CFTR: variants seen among roughly 807,000 people sequenced by gnomAD.
CFTR encodes the protein CF transmembrane conductance regulator, also known as cystic fibrosis transmembrane conductance regulator.
In CFTR, 181 loss-of-function variants were observed where a neutral mutation model predicts 171.6. The observed-to-expected ratio is 1.05, with a 90% CI of 0.93 to 1.19. CFTR has a LOEUF of 1.19. Among genes scored for constraint, CFTR ranks in the 50% most tolerant of loss-of-function variants. The pLI is 0.00. For missense variants in CFTR, 1,968 were observed against 1,734.7 expected (o/e 1.13, Z -2.39); for synonymous variants, 583 against 608.0 (o/e 0.96, Z 0.60).
chr7:117,653,177 C>T (rs1241667053), intron 24 of CFTR, among the ~76,000 whole-genome samples: 1 of 152,208 alleles, frequency 6.6e-6, no homozygotes, highest in Non-Finnish European at 1.5e-5. Context: ...ATTCTACACA[C>T]TTTGTGTGCA....
intron 12 of CFTR, among the ~76,000 whole-genome samples, chr7:117,588,420 T>A (rs1186028902): frequency 6.6e-6 from 1 of 152,158 alleles, no homozygotes; most frequent in Non-Finnish European, 1.5e-5. Context: ...AGATAATGTA[T>A]GTCAAGGAGA....
At chr7:117,505,820 T>C (rs1798403977) in intron 2 of CFTR, among the ~76,000 whole-genome samples, 1 of 151,076 alleles carries the variant, frequency 6.6e-6, no homozygotes, top group Admixed American at 6.6e-5. Context: ...ATTCATTTCC[T>C]TTTTTTGGCA....
intron 3 of CFTR, among the ~76,000 whole-genome samples, chr7:117,529,257 A>G (rs1259425796): frequency 2.9e-5 from 3 of 103,396 alleles, no homozygotes; most frequent in African/African-American, 5.7e-5. Flanking sequence ...TCAGTAAACT[A>G]TCGCAAGAAC....
At chr7:117,552,885 T>G (rs1799295639) in intron 10 of CFTR, among the ~76,000 whole-genome samples, 2 of 152,202 alleles carry the variant, frequency 1.3e-5, no homozygotes, top group Non-Finnish European at 2.9e-5. Flanking sequence ...GCCATTCATA[T>G]GTTGAAATCC....
rs1327206717 is a variant in CFTR at position 117,666,922 on chromosome 7, C to A, written c.4257C>A (p.Asn1419Lys). Residue 1419 changes from asparagine to lysine, a missense_variant, in exon 27 of 27, where the codon AAC becomes AAA. By Grantham distance (94) the Asn-to-Lys change is moderately conservative. Coordinates refer to ENST00000003084, the MANE Select transcript of CFTR (RefSeq NM_000492.4). Reference protein sequence around the residue: ...ECQQFLVIEENKVRQYDSIQK... With the variant: ...ECQQFLVIEEKKVRQYDSIQK... ...CATTTCCCTAGGTCATAGAAGAGAACAAAGTGCGGCAGTACGATTCCATCC... is the reference window on the plus strand; with the variant it reads ...CATTTCCCTAGGTCATAGAAGAGAAAAAAGTGCGGCAGTACGATTCCATCC... 4 of 1,614,002 alleles carry A rather than the reference C, an allele frequency of 2.5e-6. No individual in the cohort carries two copies. Among genetic ancestry groups the A allele is most frequent in the Admixed American group, 3.3e-5 (2 of 59,984 alleles).
chr7:117,654,714 G>A (rs542447447), intron 24 of CFTR, among the ~76,000 whole-genome samples: 58 of 152,300 alleles, frequency 3.8e-4, no homozygotes, highest in African/African-American at 1.3e-3. Flanking sequence ...TCCCAGCCAT[G>A]TGGAACTGTG....
chr7:117,510,712 T>C (rs1798503857), intron 3 of CFTR, among the ~76,000 whole-genome samples: 1 of 152,148 alleles, frequency 6.6e-6, no homozygotes, highest in East Asian at 1.9e-4. Context: ...CACCTAAATG[T>C]CAAAGTTTGT....
chr7:117,574,390 C>T (rs1016797575), intron 11 of CFTR, among the ~76,000 whole-genome samples: 6 of 152,040 alleles, frequency 3.9e-5, no homozygotes, highest in African/African-American at 9.7e-5. Flanking sequence ...CCAGATTCAG[C>T]AGCTTCATAT....
rs771557069 is a variant in CFTR, at chr7:117,530,887, C to T, written c.274-12C>T. 8.4e-6 allele frequency: 13 copies of T among 1,544,562 alleles called. No individual in the cohort carries two copies. The highest frequency in any genetic ancestry group is 6.7e-5 in the Admixed American group (4 of 59,674). On this transcript the variant is annotated splice_polypyrimidine_tract_variant and intron_variant, in intron 3 of 26. Transcript: ENST00000003084. ...AATGAAATTTAATTTCTCTGTTTTT[C>T]CCCTTTTGTAGGAAGTCACCAAAGC...
At chr7:117,483,995 G>A (rs913624405) in intron 1 of CFTR, among the ~76,000 whole-genome samples, 6 of 152,080 alleles carry the variant, frequency 3.9e-5, no homozygotes, top group Non-Finnish European at 5.9e-5. Flanking sequence ...CACTTATTTG[G>A]TTATATAAAT....
At chr7:117,520,003 C>T (rs1338879482) in intron 3 of CFTR, among the ~76,000 whole-genome samples, 2 of 151,800 alleles carry the variant, frequency 1.3e-5, no homozygotes, top group Non-Finnish European at 2.9e-5. Flanking sequence ...AAATTCAGTC[C>T]TAACAATAGA....
chr7:117,525,292 T>G (rs1584782992), intron 3 of CFTR, among the ~76,000 whole-genome samples: 1 of 151,312 alleles, frequency 6.6e-6, no homozygotes, highest in African/African-American at 2.4e-5. Flanking sequence ...GAGGAGAGCT[T>G]TACTTCCAAC....
chr7:117,568,137 C>T lies in CFTR; in HGVS notation c.1584+8482C>T, dbSNP rs78897605. Among the ~76,000 whole-genome samples the T allele has an allele frequency of 2.6e-5, 4 of 152,068 alleles. No individual in the cohort carries two copies. The South Asian group carries it at 8.3e-4, about 32-fold the overall frequency. The stretch of plus-strand genomic sequence containing the variant: ...AGCCTGGACCCAAGAGAGCACTTTG[C>T]CCTTTGGGGAAGCTGTAGGTATTAC... On this transcript the variant is annotated intron_variant, in intron 11 of 26. Transcript: ENST00000003084.
intron 9 of CFTR, 115 bp from the exon 10 acceptor site, chr7:117,548,526 G>A (rs773227065): frequency 6.1e-5 from 94 of 1,531,488 alleles, no homozygotes; most frequent in Non-Finnish European, 8.1e-5. Flanking sequence ...AATGGATCAT[G>A]GGCCATGTGC....
chr7:117,618,049 A>T (rs1178409104), intron 21 of CFTR, among the ~76,000 whole-genome samples: 1 of 152,028 alleles, frequency 6.6e-6, no homozygotes, highest in Admixed American at 6.6e-5. Context: ...TTCTTGTGAT[A>T]CTTTCTCTCT....
intron 11 of CFTR, among the ~76,000 whole-genome samples, chr7:117,583,268 C>G (rs966036087): frequency 6.6e-6 from 1 of 151,942 alleles, no homozygotes; most frequent in Non-Finnish European, 1.5e-5. Flanking sequence ...TTTTGATATA[C>G]CCATCACCTG....
chr7:117,485,422 T>A (rs1429189558), intron 1 of CFTR, among the ~76,000 whole-genome samples: 1 of 152,220 alleles, frequency 6.6e-6, no homozygotes, highest in Admixed American at 6.5e-5. Flanking sequence ...TTTGGAGATC[T>A]TGTAGAAAGA....
At chr7:117,646,175 G>C (rs1792992634) in intron 23 of CFTR, among the ~76,000 whole-genome samples, 1 of 152,060 alleles carries the variant, frequency 6.6e-6, no homozygotes, top group African/African-American at 2.4e-5. Flanking sequence ...GTTTTTGTGA[G>C]GATTAAATGA....
intron 24 of CFTR, among the ~76,000 whole-genome samples, chr7:117,662,734 A>G (rs1487559843): frequency 6.6e-6 from 1 of 152,212 alleles, no homozygotes; most frequent in African/African-American, 2.4e-5. Flanking sequence ...TTAAGAGATG[A>G]TGATGACCCA....
Sources: gnomAD v4.1 joint callset for allele counts (sites outside exome capture counted in the v4.1 genomes callset) on GRCh38, gnomAD v4.1.1 for gene constraint, MANE v1.5 for transcripts, NCBI Gene and HGNC (gene_info 2026-07-23, HGNC 2026-07-21) for gene names.